The following DUOX1 variants were observed in gnomAD, a reference collection of about 807,000 sequenced individuals.
The protein encoded by DUOX1 is NADPH thyroid oxidase 1.
Under a neutral mutation model 181.8 loss-of-function variants are expected in DUOX1, and 134 were observed. The observed-to-expected ratio is 0.74, with a 90% CI of 0.64 to 0.85. The LOEUF (loss-of-function observed/expected upper bound fraction) is 0.85. Among genes scored for constraint, DUOX1 ranks in the 40% least tolerant of loss-of-function variants. The probability of loss-of-function intolerance (pLI) is 0.00; values close to 1 mark genes in which losing one functional copy is unlikely to be tolerated. For missense variants in DUOX1, 1,814 were observed against 2,064.4 expected, an observed-to-expected ratio of 0.88 and a Z score of 2.35; for synonymous variants, 798 against 832.5, an observed-to-expected ratio of 0.96 and a Z score of 0.71.
Position 45,164,870 on chromosome 15 carries a change from C to T in DUOX1, c.4625C>T (p.Thr1542Ile). 6.2e-7 allele frequency: 1 copy of T among 1,614,168 alleles called. No individual in the cohort carries two copies. The highest frequency in any genetic ancestry group is 8.5e-7 in the Non-Finnish European group (1 of 1,179,994). Reference sequence around the variant, plus strand: ...CAGCTCATCAACAGGCAGGACCGGACTCACTTCTCCCACCATTATGAGAAC... The same window carrying T: ...CAGCTCATCAACAGGCAGGACCGGATTCACTTCTCCCACCATTATGAGAAC... ...ACQLINRQDR[T>I]HFSHHYENF The change falls in exon 34 of 34, where the codon ACT becomes ATT. Residue 1542 changes from threonine to isoleucine, a missense_variant. Thr to Ile is a moderately conservative substitution (Grantham distance 89). Transcript: ENST00000389037.
chr15:45,156,940 A>AT (rs1409066126), intron 28 of DUOX1, among the ~76,000 whole-genome samples: 4 of 152,160 alleles, frequency 2.6e-5, no homozygotes, highest in Non-Finnish European at 5.9e-5. Context: ...AGCAGAGGCA[A>AT]TTCCCTAAAG....
intron 33 of DUOX1, among the ~76,000 whole-genome samples, chr15:45,164,480 T>A (rs1248763524): frequency 5.3e-5 from 8 of 151,766 alleles, no homozygotes; most frequent in East Asian, 3.9e-4. Context: ...TTTTTTTTTT[T>A]AATTTAAAGA....
At chr15:45,154,100 T>C in intron 27 of DUOX1, 100 bp downstream of exon 27, 3 of 1,121,202 alleles carry the variant, frequency 2.7e-6, no homozygotes, top group Non-Finnish European at 4.1e-6. Context: ...CTCACTCAGC[T>C]CTTCCGGTGA....
intron 1 of DUOX1, among the ~76,000 whole-genome samples, 185 bp downstream of exon 1, chr15:45,130,283 C>T (rs1350994499): frequency 6.6e-6 from 1 of 152,222 alleles, no homozygotes; most frequent in African/African-American, 2.4e-5. Context: ...TGTCCTCTGC[C>T]CAATCAAGGT....
intron 26 of DUOX1, 185 bp downstream of exon 26, chr15:45,153,664 A>C: frequency 4.3e-6 from 3 of 699,592 alleles, no homozygotes; most frequent in Non-Finnish European, 7.5e-6. Context: ...CCAAGTCAGC[A>C]GGAGAGACTG....
At position 45,165,228 on chromosome 15, in the gene DUOX1, T is replaced by A; in HGVS notation, c.*327T>A. On this transcript the variant is annotated 3_prime_UTR_variant, in exon 34 of 34. Transcript: ENST00000389037. ...AGACAAGCTGACCTGACAAGTACTA[T>A]GTGTGTGCATGTCTGTATGTGTGTT... 1 of 379,276 alleles carries A rather than the reference T, an allele frequency of 2.6e-6. No individual in the cohort carries two copies. The highest frequency in any genetic ancestry group is 3.4e-5 in the South Asian group (1 of 29,732). The allele number at this position is 379,276 out of a possible 1,614,324, so 23.5% of individuals were successfully genotyped here.
At position 45,161,767 on chromosome 15, in the gene DUOX1, C is replaced by T. The variant is rs1331094129; in HGVS notation, c.3886C>T (p.Gln1296Ter). 1 of 1,613,902 alleles carries T rather than the reference C, an allele frequency of 6.2e-7. No homozygotes were observed. Among genetic ancestry groups the T allele is most frequent in the South Asian group, 1.1e-5 (1 of 91,062 alleles). The change falls in exon 30 of 34, where the codon CAG becomes TAG. Residue 1296 changes from glutamine (Q) to a stop codon, truncating the protein, a stop_gained. Coordinates refer to ENST00000389037, the MANE Select transcript of DUOX1 (RefSeq NM_175940.3). LOFTEE classifies it high-confidence loss of function. ...GVTHLRFQRP[Q>*]GFEYKSGQWV... ...GACCCACCTGCGGTTCCAGCGGCCC[C>T]AGGGCTTTGAGTACAAGTCAGGGCA...
rs1896278846 is a variant in DUOX1, at chr15:45,135,456, C to G, written c.496-18C>G. ...CCGCCGCCCATCGACCCGGGCTCAC[C>G]CGCCGCGTGCCCCGCAGGCCAACCA... On this transcript the variant is annotated intron_variant, in intron 5 of 33. Coordinates refer to ENST00000389037, the MANE Select transcript of DUOX1 (RefSeq NM_175940.3). The G allele has an allele frequency of 6.5e-7, 1 of 1,545,466 alleles. No individual in the cohort carries two copies. The highest frequency in any genetic ancestry group is 2.5e-5 in the East Asian group (1 of 40,740).
intron 29 of DUOX1, among the ~76,000 whole-genome samples, chr15:45,161,505 G>A (rs765674807): frequency 6.6e-6 from 1 of 151,560 alleles, no homozygotes; most frequent in East Asian, 1.9e-4. Flanking sequence ...TTTGCCAGGG[G>A]ACCTGAGCCT....
At chr15:45,139,372 G>A in intron 11 of DUOX1, 55 bp from the exon 12 acceptor site, 6 of 1,599,740 alleles carry the variant, frequency 3.8e-6, no homozygotes, top group Non-Finnish European at 5.1e-6. Context: ...GCCTGGACTG[G>A]ACACTGCTGT....
chr15:45,161,617 G>C (rs976956620), intron 29 of DUOX1, 121 bp from the exon 30 acceptor site: 2 of 871,916 alleles, frequency 2.3e-6, no homozygotes, highest in Non-Finnish European at 3.6e-6. Flanking sequence ...AGCTTCTGAT[G>C]GGGGAGGCCT....
chr15:45,133,803 G>C (rs778650959), intron 2 of DUOX1, 61 bp from the exon 3 acceptor site: 1 of 1,462,586 alleles, frequency 6.8e-7, no homozygotes, highest in Non-Finnish European at 9.5e-7. Context: ...TATCCGGCAG[G>C]CCTGCCTGTC....
rs1336261686 is a variant in DUOX1, at chr15:45,163,667, G to A, written c.4384G>A (p.Asp1462Asn). Reference protein sequence around the residue: ...IYITQLAEKFDLRTTMLYICE... With the variant: ...IYITQLAEKFNLRTTMLYICE... Reference sequence around the variant, plus strand: ...CATCACCCAGCTGGCTGAGAAGTTCGACCTCAGGACCACTATGCTGGTATG... The same window carrying A: ...CATCACCCAGCTGGCTGAGAAGTTCAACCTCAGGACCACTATGCTGGTATG... Residue 1462 changes from aspartate to asparagine, a missense_variant, in exon 32 of 34, where the codon GAC becomes AAC. By Grantham distance (23) the Asp-to-Asn change is conservative (BLOSUM62 1). Transcript: ENST00000389037. 1.9e-6 allele frequency: 3 copies of A among 1,614,092 alleles called. No individual in the cohort carries two copies. The highest frequency in any genetic ancestry group is 1.7e-5 in the Admixed American group (1 of 60,006).
chr15:45,153,378 A>G lies in DUOX1; in HGVS notation c.3425-2A>G, dbSNP rs1208932381. The G allele has an allele frequency of 2.5e-6, 4 of 1,613,664 alleles. No individual in the cohort carries two copies. In the South Asian group the frequency reaches 3.3e-5, roughly 13 times the overall value. ...CTCACCACTTGGTCTGCTCTTCCTT[A>G]GTCTTACACAGTGTGGGCCATGTGG... On this transcript the variant is annotated splice_acceptor_variant, in intron 25 of 33. Coordinates refer to ENST00000389037, the MANE Select transcript of DUOX1 (RefSeq NM_175940.3). LOFTEE classifies it high-confidence loss of function.
intron 12 of DUOX1, chr15:45,140,629 G>A (rs564987366): frequency 1.8e-4 from 64 of 364,870 alleles, no homozygotes; most frequent in African/African-American, 1.2e-3. Flanking sequence ...ACCTTTTCAA[G>A]AACAAGTTAT....
intron 5 of DUOX1, 72 bp from the exon 6 acceptor site, chr15:45,135,402 C>T: frequency 6.6e-7 from 1 of 1,505,006 alleles, no homozygotes; most frequent in Non-Finnish European, 8.8e-7. Context: ...GCCGCGGACA[C>T]CCGCCGGGCC....
chr15:45,159,118 T>A (rs953942363), intron 28 of DUOX1, among the ~76,000 whole-genome samples: 1 of 152,080 alleles, frequency 6.6e-6, no homozygotes, highest in Non-Finnish European at 1.5e-5. Flanking sequence ...GATAGGATAT[T>A]CAGGAGGCAG....
At chr15:45,159,294 C>T (rs938077612) in intron 28 of DUOX1, among the ~76,000 whole-genome samples, 7 of 152,216 alleles carry the variant, frequency 4.6e-5, no homozygotes, top group African/African-American at 1.4e-4. Context: ...GTGACAAAAC[C>T]AGGCTTGGGC....
chr15:45,142,392 C>T (rs180724427), intron 15 of DUOX1, among the ~76,000 whole-genome samples: 72 of 152,276 alleles, frequency 4.7e-4, no homozygotes, highest in African/African-American at 1.6e-3. Flanking sequence ...TTTTGCAGGC[C>T]TGAGCCTAGA....
Sources: allele counts gnomAD v4.1 joint callset (sites outside exome capture counted in the v4.1 genomes callset), GRCh38; gene constraint gnomAD v4.1.1; transcripts MANE v1.5; gene names NCBI Gene and HGNC (gene_info 2026-07-23, HGNC 2026-07-21).